Variants in NELFA observed in about 807,000 individuals in gnomAD.
NELFA encodes the protein negative elongation factor A.
Under a neutral mutation model 51.8 loss-of-function variants are expected in NELFA, and 35 were observed. That is an observed-to-expected ratio of 0.68 (90% CI 0.52 to 0.90). The LOEUF (loss-of-function observed/expected upper bound fraction) is 0.90, where lower values mean the gene tolerates loss of function less well. NELFA is among the 40% of genes least tolerant of loss of function. NELFA has a pLI of 0.00. For missense variants in NELFA, 658 were observed against 746.4 expected (o/e 0.88, Z 1.38); for synonymous variants, 417 against 338.4 (o/e 1.23, Z -2.55).
chr4:1,993,276 T>G (rs1010133720), intron 1 of NELFA, among the ~76,000 whole-genome samples: 1 of 152,216 alleles, frequency 6.6e-6, no homozygotes, highest in Non-Finnish European at 1.5e-5. Flanking sequence ...CTACTGGGGC[T>G]TCTTGTAGGA....
intron 1 of NELFA, among the ~76,000 whole-genome samples, chr4:2,000,210 T>A (rs1728534475): frequency 6.6e-6 from 1 of 151,744 alleles, no homozygotes; most frequent in African/African-American, 2.4e-5. Flanking sequence ...GTAATTAACA[T>A]CACAATTAAA....
chr4:1,989,666 A>G lies in NELFA; in HGVS notation c.544+42T>C, dbSNP rs377487314. The G allele has an allele frequency of 1.9e-6, 3 of 1,587,396 alleles. No homozygotes were observed. Among genetic ancestry groups the G allele is most frequent in the Admixed American group, 3.6e-5 (2 of 56,182 alleles). On this transcript the variant is annotated intron_variant, in intron 3 of 10. Coordinates refer to ENST00000382882, the MANE Select transcript of NELFA (RefSeq NM_005663.5). This position sits in a 1 kb window ranked among gnomAD's most constrained non-coding sequence, Gnocchi z 4.8. Reference sequence around the variant, plus strand: ...TAGAACCTAAGAAACCTATGACTGGAAACTACAAAGACAATGCCCGATGGC... The same window carrying G: ...TAGAACCTAAGAAACCTATGACTGGGAACTACAAAGACAATGCCCGATGGC...
Position 1,989,011 on chromosome 4 carries a change from T to A in NELFA, c.544+697A>T, listed in dbSNP as rs1423840288. On this transcript the variant is annotated intron_variant, in intron 3 of 10. Coordinates refer to ENST00000382882, the MANE Select transcript of NELFA (RefSeq NM_005663.5). The surrounding 1 kb of genome is among the most constrained non-coding windows in gnomAD (Gnocchi z 4.8). ...CCCAGGCTGGAGTGCAGTGGGGCAA[T>A]CTTGGCTCACTGCAACCTCCGCCTC... 1.3e-5 allele frequency among the ~76,000 whole-genome samples: 2 copies of A among 149,318 alleles called. No individual in the cohort carries two copies. Among genetic ancestry groups the A allele is most frequent in the African/African-American group, 4.9e-5 (2 of 40,440 alleles).
At chr4:1,987,013 C>A (rs1391281099) in intron 4 of NELFA, among the ~76,000 whole-genome samples, 1 of 152,156 alleles carries the variant, frequency 6.6e-6, no homozygotes, top group East Asian at 1.9e-4. Context: ...AGACAAGGGT[C>A]TGCTCCAGGC....
intron 1 of NELFA, among the ~76,000 whole-genome samples, chr4:2,003,148 C>A (rs1386763029): frequency 2.0e-5 from 3 of 152,154 alleles, no homozygotes; most frequent in African/African-American, 7.2e-5. Flanking sequence ...CACTGATCAT[C>A]AGAGAAATGC....
Position 1,989,801 on chromosome 4 carries a change from T to C in NELFA, c.451A>G (p.Thr151Ala). 4 of 1,613,428 alleles carry C rather than the reference T, an allele frequency of 2.5e-6. No homozygotes were observed. The African/African-American group carries it at 5.4e-5, about 22-fold the overall frequency. The change falls in exon 3 of 11, where the codon ACC (threonine) becomes GCC (alanine). Residue 151 changes from threonine to alanine, a missense_variant. Thr to Ala is a moderately conservative substitution (Grantham distance 58). Around this residue, in one of 3 missense-constraint regions of NELFA, gnomAD observed 371 missense variants for 448.3 expected, o/e 0.83. Coordinates refer to ENST00000382882, the MANE Select transcript of NELFA (RefSeq NM_005663.5). This position sits in a 1 kb window ranked among gnomAD's most constrained non-coding sequence, Gnocchi z 4.8. ...GGGGGAGTGAGGGGTCCCGCGAGGG[T>C]CGTCAGGGCGTTTTTGTTCAAGTAC... ...CQYLNKNALT[T>A]LAGPLTPPVK...
intron 1 of NELFA, 102 bp from the exon 2 acceptor site, chr4:1,991,817 T>C (rs1728277423): frequency 2.4e-6 from 3 of 1,267,172 alleles, no homozygotes; most frequent in Non-Finnish European, 3.2e-6. Context: ...CCGGGCTCTC[T>C]GGCAGTTGCC....
chr4:1,991,624 G>T lies in NELFA; in HGVS notation c.302C>A (p.Pro101Gln). ...LMVADILKSF[P>Q]DTGSLNLELE... ...CTCCAGGTTAAGCGAGCCTGTGTCC[G>T]GAAAGGACTTCAAGATGTCGGCGAC... is the stretch of plus-strand genomic sequence containing the variant. Residue 101 changes from proline to glutamine, a missense_variant, in exon 2 of 11, where the codon CCG becomes CAG. Pro to Gln is a moderately conservative substitution (Grantham distance 76). This residue lies in a region of NELFA where 371 missense variants were observed against 448.3 expected (regional missense o/e 0.83). Coordinates refer to ENST00000382882, the MANE Select transcript of NELFA (RefSeq NM_005663.5). The T allele has an allele frequency of 6.2e-7, 1 of 1,613,942 alleles. No homozygotes were observed. Among genetic ancestry groups the T allele is most frequent in the Non-Finnish European group, 8.5e-7 (1 of 1,179,984 alleles).
At chr4:1,995,370 C>T (rs1330828123) in intron 1 of NELFA, among the ~76,000 whole-genome samples, 1 of 152,210 alleles carries the variant, frequency 6.6e-6, no homozygotes, top group Non-Finnish European at 1.5e-5. Flanking sequence ...GTCATCTAGT[C>T]ACCCTGTATC....
chr4:1,992,826 C>T (rs896739379), intron 1 of NELFA, among the ~76,000 whole-genome samples: 8 of 152,208 alleles, frequency 5.3e-5, no homozygotes, highest in Non-Finnish European at 1.2e-4. Context: ...AGCCTGCCTG[C>T]TGCCAAGCCC....
chr4:2,006,191 AG>A (rs1240318135), intron 1 of NELFA, among the ~76,000 whole-genome samples: 1 of 152,256 alleles, frequency 6.6e-6, no homozygotes, highest in African/African-American at 2.4e-5. Flanking sequence ...CATCCACAGC[AG>A]AAGCTGCAGT....
intron 1 of NELFA, among the ~76,000 whole-genome samples, chr4:1,998,399 C>A (rs1261091277): frequency 6.6e-6 from 1 of 151,874 alleles, no homozygotes; most frequent in African/African-American, 2.4e-5. Flanking sequence ...AGCTAAGAAC[C>A]TTGATAAAAG....
chr4:1,983,873 T>G lies in NELFA; in HGVS notation c.1277A>C (p.Gln426Pro), dbSNP rs781267483. 1 of 1,583,646 alleles carries G rather than the reference T, an allele frequency of 6.3e-7. No individual in the cohort carries two copies. ...APQTQAPAQQ[Q>P]PKKNLSLTRE... ...CGTGAGGGACAGGTTCTTCTTAGGCTGCTGCTGAGCAGGGGCCTGGGTCTG... is the reference window on the plus strand; with the variant it reads ...CGTGAGGGACAGGTTCTTCTTAGGCGGCTGCTGAGCAGGGGCCTGGGTCTG... The change falls in exon 9 of 11, where the codon CAG (glutamine) becomes CCG (proline). Residue 426 changes from glutamine to proline, a missense_variant. Transcript: ENST00000382882.
intron 4 of NELFA, chr4:1,987,685 T>C (rs1055621505): frequency 7.3e-6 from 4 of 547,940 alleles, no homozygotes; most frequent in South Asian, 4.8e-5. Context: ...TGCCCAGCAC[T>C]GTCCTCAGAT....
chr4:1,994,251 CA>C (rs749593322), intron 1 of NELFA, among the ~76,000 whole-genome samples: 1 of 151,854 alleles, frequency 6.6e-6, no homozygotes, highest in African/African-American at 2.4e-5. Flanking sequence ...AGCAACAGAG[CA>C]AGATTTCATT....
At chr4:1,993,113 G>A (rs1262417285) in intron 1 of NELFA, among the ~76,000 whole-genome samples, 1 of 152,246 alleles carries the variant, frequency 6.6e-6, no homozygotes, top group Non-Finnish European at 1.5e-5. Context: ...CAGCCCCAGG[G>A]AAACCCTACG....
chr4:1,994,552 A>C (rs1045226880), intron 1 of NELFA, among the ~76,000 whole-genome samples: 2 of 149,588 alleles, frequency 1.3e-5, no homozygotes, highest in Non-Finnish European at 3.0e-5. Context: ...GCAACAGAGC[A>C]AGAGTCTGTC....
rs1305635376 is a variant in NELFA at position 1,984,117 on chromosome 4, C to T, written c.1037-4G>A. On this transcript the variant is annotated splice_polypyrimidine_tract_variant and splice_region_variant and intron_variant, in intron 8 of 10. Transcript: ENST00000382882. ...CTGGCTTCCCGGGAAGATGGGGCTG[C>T]AAGTAGACCGGGGCCTGGTGAGGGG... 2.6e-6 allele frequency: 4 copies of T among 1,551,194 alleles called. No individual in the cohort carries two copies. Among genetic ancestry groups the T allele is most frequent in the Non-Finnish European group, 3.5e-6 (4 of 1,155,894 alleles).
intron 1 of NELFA, among the ~76,000 whole-genome samples, chr4:1,997,889 T>C (rs774367386): frequency 2.6e-5 from 4 of 152,100 alleles, no homozygotes; most frequent in Non-Finnish European, 2.9e-5. Context: ...TGGCATCAGG[T>C]TGGTGCCCCT....
Sources: gnomAD v4.1 joint callset for allele counts (sites outside exome capture counted in the v4.1 genomes callset) on GRCh38, gnomAD v4.1.1 for gene constraint, gnomAD v4.1.1 regional missense constraint, Gnocchi (gnomAD v3.1) non-coding constraint, MANE v1.5 for transcripts, NCBI Gene and HGNC (gene_info 2026-07-23, HGNC 2026-07-21) for gene names.